The following RYR2 variants were observed in gnomAD, a reference collection of about 807,000 sequenced individuals.
RYR2 encodes ryanodine receptor 2.
RYR2 carries 227 observed loss-of-function variants against 601.1 expected under a neutral mutation model. The ratio of observed to expected loss-of-function variants is 0.38; its 90% CI spans 0.34 to 0.42. The LOEUF (loss-of-function observed/expected upper bound fraction) is 0.42. Ranked by LOEUF, RYR2 falls within the 10% of genes least tolerant of loss-of-function variation. RYR2 has a pLI of 1.00. For missense variants in RYR2, 4,646 were observed against 6,156.5 expected, an observed-to-expected ratio of 0.75 and a Z score of 8.21; for synonymous variants, 2,223 against 2,175.1, an observed-to-expected ratio of 1.02 and a Z score of -0.61.
chr1:237,551,530 C>CA lies in RYR2; in HGVS notation c.3214+858dup, dbSNP rs34940458. On this transcript the variant is annotated intron_variant, in intron 27 of 104. Coordinates refer to ENST00000366574, the MANE Select transcript of RYR2 (RefSeq NM_001035.3). ...TGGGTGACAGAGCAAGACTCCGTCT[C>CA]AAAAAAAAAAAAAAAAAAAGAATGT... 2.8e-3 allele frequency among the ~76,000 whole-genome samples: 254 copies of CA among 90,510 alleles called. 17 individuals are homozygous for CA. Among genetic ancestry groups the CA allele is most frequent in the Middle Eastern group, 6.6e-3 (1 of 152 alleles). 59.4% of individuals were successfully genotyped at this position (90,510 alleles called of 152,430 possible). A position where few individuals can be genotyped will look rare whatever the true frequency, so the allele number is the denominator to read the frequency against.
At chr1:237,084,680 G>C (rs1328848574) in intron 1 of RYR2, among the ~76,000 whole-genome samples, 2 of 152,194 alleles carry the variant, frequency 1.3e-5, no homozygotes, top group Admixed American at 6.5e-5. Flanking sequence ...TGCCTTCACT[G>C]TTCCCAGTGT....
At chr1:237,288,962 G>A (rs572185906) in intron 2 of RYR2, among the ~76,000 whole-genome samples, 232 of 152,276 alleles carry the variant, frequency 1.5e-3, no homozygotes, top group African/African-American at 5.3e-3. Flanking sequence ...GGGACCCAGC[G>A]AGCTCCCAGG....
At chr1:237,302,913 C>T (rs1477634528) in intron 2 of RYR2, among the ~76,000 whole-genome samples, 1 of 152,114 alleles carries the variant, frequency 6.6e-6, no homozygotes, top group African/African-American at 2.4e-5. Flanking sequence ...TGTCATATTG[C>T]CCTTCAGAAT....
chr1:237,114,625 A>T lies in RYR2; in HGVS notation c.48+72056A>T, dbSNP rs144880997. On this transcript the variant is annotated intron_variant, in intron 1 of 104. Coordinates refer to ENST00000366574, the MANE Select transcript of RYR2 (RefSeq NM_001035.3). ...GAAATCATACTCTTGAGGGAAGAAGACCTAGGGGATAGAGCATGACTCCAC... is the reference window on the plus strand; with the variant it reads ...GAAATCATACTCTTGAGGGAAGAAGTCCTAGGGGATAGAGCATGACTCCAC... Among the ~76,000 whole-genome samples the T allele has an allele frequency of 1.6e-3, 250 of 152,276 alleles. 2 individuals are homozygous for T. In the East Asian group the frequency reaches 0.035, roughly 21 times the overall value.
At chr1:237,209,307 A>G (rs2149086046) in intron 1 of RYR2, among the ~76,000 whole-genome samples, 1 of 152,062 alleles carries the variant, frequency 6.6e-6, no homozygotes, top group Admixed American at 6.6e-5. Flanking sequence ...AAAGCATAAA[A>G]TATACATATA....
intron 2 of RYR2, among the ~76,000 whole-genome samples, chr1:237,302,040 C>T (rs1303762249): frequency 1.3e-5 from 2 of 152,006 alleles, no homozygotes. Context: ...GAACTCTGGC[C>T]CATACTACTT....
intron 6 of RYR2, among the ~76,000 whole-genome samples, chr1:237,374,229 A>G (rs1009187782): frequency 5.3e-5 from 8 of 151,864 alleles, no homozygotes; most frequent in Non-Finnish European, 1.0e-4. Context: ...ACAACTATAA[A>G]CCTTAACGAT....
At chr1:237,552,251 G>T (rs1670472790) in intron 27 of RYR2, among the ~76,000 whole-genome samples, 1 of 151,998 alleles carries the variant, frequency 6.6e-6, no homozygotes, top group Admixed American at 6.6e-5. Flanking sequence ...ACAATAAAAG[G>T]CTTGTAAGCC....
chr1:237,779,328 A>G (rs906445375), intron 88 of RYR2, among the ~76,000 whole-genome samples: 1 of 152,224 alleles, frequency 6.6e-6, no homozygotes, highest in Non-Finnish European at 1.5e-5. Context: ...GGGCTATTGA[A>G]AAATATCAGC....
In RYR2 at chr1:237,831,824, A is replaced by T. The variant is rs368133689; in HGVS notation, c.14808+259A>T. On this transcript the variant is annotated intron_variant, in intron 104 of 104. Transcript: ENST00000366574. ...CTGGATTTGAGTTTTGAATTCCATT[A>T]TTTTGAAAAATTGAGTTCTTAATTA... Among the ~76,000 whole-genome samples, 6 of 150,342 alleles carry T rather than the reference A, an allele frequency of 4.0e-5. No individual in the cohort carries two copies. In the East Asian group the frequency reaches 1.0e-3, roughly 25 times the overall value.
intron 2 of RYR2, among the ~76,000 whole-genome samples, chr1:237,313,516 A>G (rs58070465): frequency 0.087 from 13,307 of 152,228 alleles, 1,187 homozygotes; most frequent in African/African-American, 0.23. Flanking sequence ...GAATGTAGAA[A>G]GCCTTTAGAA....
chr1:237,193,904 T>C (rs2149013134), intron 1 of RYR2, among the ~76,000 whole-genome samples: 1 of 152,336 alleles, frequency 6.6e-6, no homozygotes, highest in Admixed American at 6.5e-5. Flanking sequence ...ATAAAAAATC[T>C]CTTATGAAGA....
In RYR2 at chr1:237,831,496, G is replaced by A. The variant is rs375553165; in HGVS notation, c.14757-18G>A. The A allele has an allele frequency of 7.0e-7, 1 of 1,426,480 alleles. No homozygotes were observed. The highest frequency in any genetic ancestry group is 2.3e-5 in the East Asian group (1 of 43,772). The allele number at this position is 1,426,480 out of a possible 1,614,324, so 88.4% of individuals were successfully genotyped here. ...TTTCCATACCGTTCATTTCTGATCA[G>A]TTTCTCTGTATCTGTAGGTTTTTTC... On this transcript the variant is annotated intron_variant, in intron 103 of 104. Coordinates refer to ENST00000366574, the MANE Select transcript of RYR2 (RefSeq NM_001035.3).
intron 76 of RYR2, among the ~76,000 whole-genome samples, chr1:237,728,195 A>G (rs1690354260): frequency 6.6e-6 from 1 of 152,160 alleles, no homozygotes; most frequent in African/African-American, 2.4e-5. Flanking sequence ...GCAAAGAAAA[A>G]AAAGAAACAT....
At chr1:237,344,337 C>T (rs1698107640) in intron 3 of RYR2, among the ~76,000 whole-genome samples, 1 of 152,210 alleles carries the variant, frequency 6.6e-6, no homozygotes, top group African/African-American at 2.4e-5. Context: ...AACTGCTATC[C>T]TGTGACCTCA....
intron 29 of RYR2, among the ~76,000 whole-genome samples, chr1:237,581,973 A>C (rs1673961612): frequency 2.0e-5 from 3 of 152,338 alleles, no homozygotes; most frequent in Middle Eastern, 3.4e-3. Flanking sequence ...TAAAATAAAA[A>C]CACAAATTAG....
intron 1 of RYR2, among the ~76,000 whole-genome samples, chr1:237,155,806 G>A (rs1393208512): frequency 6.6e-6 from 1 of 152,100 alleles, no homozygotes; most frequent in Non-Finnish European, 1.5e-5. Context: ...CTCTTAGAAG[G>A]CATAAAAATT....
intron 42 of RYR2, 72 bp downstream of exon 42, chr1:237,631,613 A>ATTT (rs556269614): frequency 0.026 from 5,502 of 208,104 alleles, 779 homozygotes; most frequent in Non-Finnish European, 0.031. Flanking sequence ...TAGAATGCAG[A>ATTT]TTTTTTTTTT....
chr1:237,135,319 T>C (rs1672644415), intron 1 of RYR2, among the ~76,000 whole-genome samples: 1 of 152,070 alleles, frequency 6.6e-6, no homozygotes, highest in Non-Finnish European at 1.5e-5. Flanking sequence ...TCTCCTGGGC[T>C]ACAGATTCTA....
Sources: allele counts gnomAD v4.1 joint callset (sites outside exome capture counted in the v4.1 genomes callset), GRCh38; gene constraint gnomAD v4.1.1; transcripts MANE v1.5; gene names NCBI Gene and HGNC (gene_info 2026-07-23, HGNC 2026-07-21).